The following ZSWIM5 variants were observed in gnomAD, a reference collection of about 807,000 sequenced individuals.
The protein encoded by ZSWIM5 is zinc finger SWIM domain-containing protein 5.
Under a neutral mutation model 119.6 loss-of-function variants are expected in ZSWIM5, and 55 were observed. The observed-to-expected ratio is 0.46, with a 90% CI of 0.37 to 0.58. The LOEUF (loss-of-function observed/expected upper bound fraction) is 0.58, where lower values mean the gene tolerates loss of function less well. ZSWIM5 is among the 20% of genes least tolerant of loss of function. The probability of loss-of-function intolerance (pLI) is 0.00; values close to 1 mark genes in which losing one functional copy is unlikely to be tolerated. For missense variants in ZSWIM5, 1,193 were observed against 1,512.8 expected, an observed-to-expected ratio of 0.79 and a Z score of 3.51; for synonymous variants, 537 against 606.9, an observed-to-expected ratio of 0.88 and a Z score of 1.69.
chr1:45,128,436 C>T (rs1215754793), intron 1 of ZSWIM5, among the ~76,000 whole-genome samples: 9 of 152,138 alleles, frequency 5.9e-5, no homozygotes, highest in African/African-American at 2.2e-4. Flanking sequence ...TGGCCTCAAG[C>T]GATCCTCCCG....
intron 1 of ZSWIM5, among the ~76,000 whole-genome samples, chr1:45,106,525 C>T (rs1420567040): frequency 1.4e-5 from 2 of 147,322 alleles, no homozygotes; most frequent in Non-Finnish European, 1.5e-5. Context: ...GCGCCTCTGC[C>T]CGGCCGCCCA....
At chr1:45,118,986 T>C (rs1442345603) in intron 1 of ZSWIM5, among the ~76,000 whole-genome samples, 3 of 152,090 alleles carry the variant, frequency 2.0e-5, no homozygotes, top group Non-Finnish European at 4.4e-5. Context: ...TAAAATGTCA[T>C]GTATATTCAG....
At chr1:45,159,819 C>A (rs765065651) in intron 1 of ZSWIM5, among the ~76,000 whole-genome samples, 1 of 152,146 alleles carries the variant, frequency 6.6e-6, no homozygotes, top group Non-Finnish European at 1.5e-5. Context: ...GAACTCCTGA[C>A]CTCAAGTGAT....
In ZSWIM5 at chr1:45,081,068, G is replaced by T. The variant is rs75309837; in HGVS notation, c.952+6813C>A. ...TAGGTTTGTTTTGGTGAGGAATGGGGTTAAAGAGAAAGGAGAAGGAAAATG... is the reference window on the plus strand; with the variant it reads ...TAGGTTTGTTTTGGTGAGGAATGGGTTTAAAGAGAAAGGAGAAGGAAAATG... On this transcript the variant is annotated intron_variant, in intron 2 of 13. Coordinates refer to ENST00000359600, the MANE Select transcript of ZSWIM5 (RefSeq NM_020883.2). 4.1e-3 allele frequency among the ~76,000 whole-genome samples: 624 copies of T among 152,264 alleles called. 1 individual carries two copies. The highest frequency in any genetic ancestry group is 0.015 in the African/African-American group (609 of 41,532).
At chr1:45,114,301 T>C (rs1645534157) in intron 1 of ZSWIM5, among the ~76,000 whole-genome samples, 1 of 152,150 alleles carries the variant, frequency 6.6e-6, no homozygotes, top group South Asian at 2.1e-4. Context: ...ATGTCTACTG[T>C]CTCAATATAA....
In ZSWIM5 at chr1:45,081,301, G is replaced by T. The variant is rs564867112; in HGVS notation, c.952+6580C>A. ...TCCCCATGGTCTCCCTCTCCCCATG[G>T]TCTCCCTCTCCCCATGGTCTCCCTC... is the stretch of plus-strand genomic sequence containing the variant. On this transcript the variant is annotated intron_variant, in intron 2 of 13. Transcript: ENST00000359600. 6.8e-5 allele frequency among the ~76,000 whole-genome samples: 10 copies of T among 146,384 alleles called. No individual in the cohort carries two copies. The East Asian group carries it at 2.0e-3, about 30-fold the overall frequency.
chr1:45,033,201 T>C (rs181890756), intron 11 of ZSWIM5, among the ~76,000 whole-genome samples: 11 of 152,348 alleles, frequency 7.2e-5, no homozygotes, highest in Admixed American at 2.6e-4. Flanking sequence ...TCTAATGTGA[T>C]ACCAGGTATT....
rs561675582 is a variant in ZSWIM5, at chr1:45,131,587, C to T, written c.596-43350G>A. On this transcript the variant is annotated intron_variant, in intron 1 of 13. Transcript: ENST00000359600. ...AAAAATACAAAAAATTAGCTGGGCA[C>T]GGTGGTGTGTACCCATAGCCCCAGC... Among the ~76,000 whole-genome samples the T allele has an allele frequency of 5.9e-5, 9 of 151,856 alleles. No individual in the cohort carries two copies. The East Asian group carries it at 7.8e-4, about 13-fold the overall frequency.
chr1:45,120,339 C>G (rs535307595), intron 1 of ZSWIM5, among the ~76,000 whole-genome samples: 1 of 152,152 alleles, frequency 6.6e-6, no homozygotes, highest in Non-Finnish European at 1.5e-5. Flanking sequence ...ACAACAACAA[C>G]AACAAAAACC....
intron 2 of ZSWIM5, among the ~76,000 whole-genome samples, chr1:45,077,165 C>T (rs925019008): frequency 6.6e-5 from 10 of 152,022 alleles, no homozygotes; most frequent in Admixed American, 3.9e-4. Flanking sequence ...TGTAGATGTT[C>T]GTCAGTGTCT....
At chr1:45,184,179 C>T (rs1053978803) in intron 1 of ZSWIM5, among the ~76,000 whole-genome samples, 1 of 152,224 alleles carries the variant, frequency 6.6e-6, no homozygotes, top group South Asian at 2.1e-4. Flanking sequence ...GCAGAAAAGG[C>T]CTTTGACAAA....
At chr1:45,086,021 T>A (rs978342272) in intron 2 of ZSWIM5, among the ~76,000 whole-genome samples, 4 of 152,292 alleles carry the variant, frequency 2.6e-5, no homozygotes, top group African/African-American at 9.6e-5. Context: ...AATTTATTTT[T>A]AAAAAAGAGG....
chr1:45,192,292 T>C lies in ZSWIM5; in HGVS notation c.595+13464A>G, dbSNP rs528762563. 3.9e-5 allele frequency among the ~76,000 whole-genome samples: 6 copies of C among 152,276 alleles called. No individual in the cohort carries two copies. The East Asian group carries it at 9.6e-4, about 24-fold the overall frequency. ...AGAACAGTAACTCTTCATTTCTCTC[T>C]CCCCTCAGCCCCTGACAACCTCTAT... On this transcript the variant is annotated intron_variant, in intron 1 of 13. Transcript: ENST00000359600.
chr1:45,034,464 G>T lies in ZSWIM5; in HGVS notation c.2297C>A (p.Pro766His), dbSNP rs759555317. Reference protein sequence around the residue: ...YKLALRAMRLPVLENSASAGD... With the variant: ...YKLALRAMRLHVLENSASAGD... The stretch of plus-strand genomic sequence containing the variant: ...TGCAGAAGCTGAGTTTTCTAAAACA[G>T]GTAACCTGGAAGACCCAGGAAGAAT... Residue 766 changes from proline to histidine, a missense_variant, in exon 11 of 14, where the codon CCT (proline) becomes CAT (histidine). Coordinates refer to ENST00000359600, the MANE Select transcript of ZSWIM5 (RefSeq NM_020883.2). 1 of 1,602,976 alleles carries T rather than the reference G, an allele frequency of 6.2e-7. No individual in the cohort carries two copies.
intron 1 of ZSWIM5, among the ~76,000 whole-genome samples, chr1:45,116,694 G>T (rs1020733109): frequency 1.3e-5 from 2 of 152,146 alleles, no homozygotes; most frequent in African/African-American, 4.8e-5. Context: ...ATTACCTTGA[G>T]GAATTAAAAA....
Position 45,161,380 on chromosome 1 carries a change from T to G in ZSWIM5, c.595+44376A>C, listed in dbSNP as rs560736571. 5.3e-5 allele frequency among the ~76,000 whole-genome samples: 8 copies of G among 152,294 alleles called. No individual in the cohort carries two copies. In the East Asian group the frequency reaches 1.5e-3, roughly 29 times the overall value. On this transcript the variant is annotated intron_variant, in intron 1 of 13. Coordinates refer to ENST00000359600, the MANE Select transcript of ZSWIM5 (RefSeq NM_020883.2). ...AATTTACATTCCCATTATTAGTGTGTAAGAGTTACCTTCTCTCTGCATCCT... is the reference window on the plus strand; with the variant it reads ...AATTTACATTCCCATTATTAGTGTGGAAGAGTTACCTTCTCTCTGCATCCT...
intron 1 of ZSWIM5, among the ~76,000 whole-genome samples, chr1:45,175,123 C>A (rs192774564): frequency 2.6e-4 from 39 of 152,264 alleles, no homozygotes; most frequent in Non-Finnish European, 3.8e-4. Context: ...TTTCTGACTT[C>A]TGATACTTAC....
At chr1:45,114,923 G>A (rs935537641) in intron 1 of ZSWIM5, among the ~76,000 whole-genome samples, 15 of 152,182 alleles carry the variant, frequency 9.9e-5, no homozygotes, top group Admixed American at 9.8e-4. Flanking sequence ...TTAACCCTTA[G>A]TGGACACAGC....
intron 1 of ZSWIM5, among the ~76,000 whole-genome samples, chr1:45,182,691 A>G (rs901823047): frequency 6.6e-6 from 1 of 151,922 alleles, no homozygotes. Context: ...TTCAACAAGA[A>G]GAGCTAACTA....
Sources: allele counts gnomAD v4.1 joint callset (sites outside exome capture counted in the v4.1 genomes callset), GRCh38; gene constraint gnomAD v4.1.1; transcripts MANE v1.5; gene names NCBI Gene and HGNC (gene_info 2026-07-23, HGNC 2026-07-21).